PCDH9: variants seen among roughly 807,000 people sequenced by gnomAD.
PCDH9 encodes the protein protocadherin 9.
A neutral mutation model predicts 70.6 loss-of-function variants in PCDH9; 24 were observed. The ratio of observed to expected loss-of-function variants is 0.34; its 90% CI spans 0.25 to 0.48. PCDH9 has a LOEUF of 0.48. Among genes scored for constraint, PCDH9 ranks in the 20% least tolerant of loss-of-function variants. The pLI is 0.99. For missense variants in PCDH9, 1,281 were observed against 1,503.6 expected (o/e 0.85, Z 2.45); for synonymous variants, 562 against 558.5 (o/e 1.01, Z -0.09).
chr13:66,878,408 G>T (rs2081858669), intron 3 of PCDH9, among the ~76,000 whole-genome samples: 1 of 151,902 alleles, frequency 6.6e-6, no homozygotes, highest in African/African-American at 2.4e-5. Flanking sequence ...CGTATTTTTA[G>T]TAGAGACAGG....
At chr13:67,167,497 T>C (rs1210346970) in intron 2 of PCDH9, among the ~76,000 whole-genome samples, 1 of 152,146 alleles carries the variant, frequency 6.6e-6, no homozygotes, top group African/African-American at 2.4e-5. Flanking sequence ...ATGAAGCCAC[T>C]TTTCATCAAA....
intron 3 of PCDH9, among the ~76,000 whole-genome samples, chr13:66,834,589 A>T (rs1007138492): frequency 2.6e-5 from 4 of 152,220 alleles, no homozygotes; most frequent in Non-Finnish European, 5.9e-5. Flanking sequence ...GCTTTGAAGG[A>T]AGTACAAGGT....
chr13:67,211,873 T>G (rs561753641), intron 2 of PCDH9: 127 of 152,206 alleles, frequency 8.3e-4, no homozygotes, highest in African/African-American at 3.0e-3. Context: ...AAACATGTCC[T>G]TTCAACGTAC....
intron 4 of PCDH9, among the ~76,000 whole-genome samples, chr13:66,445,629 ATT>A (rs1958069274): frequency 1.4e-5 from 2 of 139,176 alleles, no homozygotes; most frequent in African/African-American, 5.3e-5. Context: ...ACACATATAT[ATT>A]ATATACACAT....
chr13:66,921,311 C>T (rs567315185), intron 2 of PCDH9, among the ~76,000 whole-genome samples: 5 of 151,114 alleles, frequency 3.3e-5, no homozygotes, highest in Admixed American at 2.0e-4. Flanking sequence ...GGGAACTATG[C>T]AAGCAGACAT....
intron 2 of PCDH9, among the ~76,000 whole-genome samples, chr13:66,978,695 T>C (rs2083672871): frequency 6.7e-6 from 1 of 149,488 alleles, no homozygotes. Flanking sequence ...ATATATATTA[T>C]ATATAATTGT....
At chr13:66,952,849 A>G (rs9571701) in intron 2 of PCDH9, among the ~76,000 whole-genome samples, 32,615 of 151,910 alleles carry the variant, frequency 0.21, 3,844 homozygotes, top group East Asian at 0.33. Context: ...ACATACCGGG[A>G]CCGATACTGT....
At chr13:66,532,058 C>T (rs1960482151) in intron 4 of PCDH9, among the ~76,000 whole-genome samples, 1 of 152,106 alleles carries the variant, frequency 6.6e-6, no homozygotes, top group Admixed American at 6.6e-5. Flanking sequence ...ACAAGCACAG[C>T]TCATGGCAGC....
intron 4 of PCDH9, among the ~76,000 whole-genome samples, chr13:66,306,587 C>T (rs1041920708): frequency 6.6e-6 from 1 of 151,136 alleles, no homozygotes; most frequent in African/African-American, 2.4e-5. Flanking sequence ...AAAAAAGGGG[C>T]TGAAATGCAC....
At chr13:66,436,999 G>A (rs891463398) in intron 4 of PCDH9, among the ~76,000 whole-genome samples, 19 of 150,808 alleles carry the variant, frequency 1.3e-4, no homozygotes, top group Non-Finnish European at 1.0e-4. Flanking sequence ...GTATGTCAAA[G>A]GAACTATGAT....
intron 2 of PCDH9, among the ~76,000 whole-genome samples, chr13:67,094,640 CT>C (rs1255878340): frequency 6.6e-6 from 1 of 151,466 alleles, no homozygotes; most frequent in Non-Finnish European, 1.5e-5. Context: ...CCAAGAAGGA[CT>C]TCTGACATTC....
intron 3 of PCDH9, among the ~76,000 whole-genome samples, chr13:66,874,942 T>TGTGTGTGA (rs533672911): frequency 0.12 from 12,633 of 109,474 alleles, 602 homozygotes; most frequent in Middle Eastern, 0.18. Flanking sequence ...TGTGTGTGTG[T>TGTGTGTGA]GAGAGAGAGA....
intron 2 of PCDH9, among the ~76,000 whole-genome samples, chr13:67,004,272 T>TA (rs1420736355): frequency 2.0e-5 from 3 of 152,096 alleles, no homozygotes; most frequent in Admixed American, 1.3e-4. Flanking sequence ...TAAAGTTTTT[T>TA]AAAAAAGAAA....
chr13:66,434,128 G>GA (rs1457206404), intron 4 of PCDH9, among the ~76,000 whole-genome samples: 5 of 151,854 alleles, frequency 3.3e-5, no homozygotes, highest in Admixed American at 6.6e-5. Flanking sequence ...ATTATTATGT[G>GA]AAAAAATCGT....
chr13:66,671,895 C>A (rs1180555495), intron 3 of PCDH9, among the ~76,000 whole-genome samples: 1 of 152,132 alleles, frequency 6.6e-6, no homozygotes, highest in Non-Finnish European at 1.5e-5. Flanking sequence ...ATTTTCTGAG[C>A]AGAAATTCAA....
chr13:67,215,964 T>G (rs1444371363), intron 2 of PCDH9: 1 of 152,146 alleles, frequency 6.6e-6, no homozygotes, highest in East Asian at 1.9e-4. Flanking sequence ...GTATTTGGAT[T>G]TACTGAGTTG....
intron 4 of PCDH9, among the ~76,000 whole-genome samples, chr13:66,329,843 T>G (rs1955909751): frequency 6.6e-6 from 1 of 152,150 alleles, no homozygotes. Flanking sequence ...TATATATGAA[T>G]TTTCTTTCAT....
intron 2 of PCDH9, among the ~76,000 whole-genome samples, chr13:67,097,802 G>C (rs1338388401): frequency 6.6e-6 from 1 of 152,048 alleles, no homozygotes; most frequent in African/African-American, 2.4e-5. Flanking sequence ...AACCAATGAA[G>C]AGCCAAGATG....
chr13:67,045,523 T>C (rs1247611512), intron 2 of PCDH9, among the ~76,000 whole-genome samples: 1 of 151,500 alleles, frequency 6.6e-6, no homozygotes. Flanking sequence ...AGCTTGATAA[T>C]GCAGTGGTAT....
Sources: allele counts gnomAD v4.1 joint callset (sites outside exome capture counted in the v4.1 genomes callset), GRCh38; gene constraint gnomAD v4.1.1; transcripts MANE v1.5; gene names NCBI Gene and HGNC (gene_info 2026-07-23, HGNC 2026-07-21).